ZNF280B: variants seen among roughly 807,000 people sequenced by gnomAD.
ZNF280B encodes suppressor of hairy wing homolog 2.
A neutral mutation model predicts 38.0 loss-of-function variants in ZNF280B; 16 were observed. That is an observed-to-expected ratio of 0.42 (90% confidence interval 0.28 to 0.64). The LOEUF (loss-of-function observed/expected upper bound fraction) is 0.64, where lower values mean the gene tolerates loss of function less well. Ranked by LOEUF, ZNF280B falls within the 30% of genes least tolerant of loss-of-function variation. The probability of loss-of-function intolerance (pLI) is 0.21; values close to 1 mark genes in which losing one functional copy is unlikely to be tolerated. For missense variants in ZNF280B, 581 were observed against 639.6 expected, an observed-to-expected ratio of 0.91 and a Z score of 0.99; for synonymous variants, 253 against 230.6, an observed-to-expected ratio of 1.10 and a Z score of -0.88.
At chr22:22,496,848 C>T (rs565584051) in intron 2 of ZNF280B, among the ~76,000 whole-genome samples, 23 of 145,888 alleles carry the variant, frequency 1.6e-4, no homozygotes, top group African/African-American at 5.1e-4. Context: ...ATGGGAGTCT[C>T]GCTCTGTCAC....
chr22:22,500,367 A>G, intron 2 of ZNF280B, among the ~76,000 whole-genome samples: 1 of 109,372 alleles, frequency 9.1e-6, no homozygotes, highest in South Asian at 4.2e-4. Flanking sequence ...ACAAAATATT[A>G]TATATATATA....
rs533961274 is a variant in ZNF280B at position 22,504,351 on chromosome 22, C to T, written c.-187+3459G>A. Reference sequence around the variant, plus strand: ...AGGAGGCAGGAGAATTGCTTGAACCCGGGAGGCAGAGGTTGCAGTGAGCTG... The same window carrying T: ...AGGAGGCAGGAGAATTGCTTGAACCTGGGAGGCAGAGGTTGCAGTGAGCTG... On this transcript the variant is annotated intron_variant, in intron 2 of 3. Transcript: ENST00000626650. Among the ~76,000 whole-genome samples, 65 of 149,058 alleles carry T rather than the reference C, an allele frequency of 4.4e-4. 1 individual carries two copies. The highest frequency in any genetic ancestry group is 1.5e-3 in the African/African-American group (60 of 40,632).
intron 2 of ZNF280B, among the ~76,000 whole-genome samples, chr22:22,497,293 G>A (rs993003346): frequency 6.9e-6 from 1 of 145,154 alleles, no homozygotes; most frequent in African/African-American, 2.5e-5. Context: ...CACTTTGGGA[G>A]GCCGAGGTAG....
At chr22:22,489,491 G>A in intron 3 of ZNF280B, 25 bp from the exon 4 acceptor site, 1 of 1,138,034 alleles carries the variant, frequency 8.8e-7, no homozygotes, top group Non-Finnish European at 1.2e-6. Context: ...ACATCAGTAA[G>A]TACAGGAAAA....
In ZNF280B at chr22:22,488,930, T is replaced by TTC. The variant is rs2061541016; in HGVS notation, c.468_469insGA (p.Ser157GlufsTer7). 6.2e-7 allele frequency: 1 copy of TTC among 1,613,726 alleles called. No homozygotes were observed. The highest frequency in any genetic ancestry group is 8.5e-7 in the Non-Finnish European group (1 of 1,179,986). On this transcript the variant is annotated frameshift_variant, in exon 4 of 4. Coordinates refer to ENST00000626650, the MANE Select transcript of ZNF280B (RefSeq NM_080764.4). LOFTEE classifies it high-confidence loss of function. ...ATACCTCCTACTGAAAGTGCTGTAC[T>TTC]TACTGGATGATGCAATGAATCTGTG... is the stretch of plus-strand genomic sequence containing the variant.
chr22:22,490,624 C>T (rs2061574634), intron 3 of ZNF280B, among the ~76,000 whole-genome samples: 1 of 151,844 alleles, frequency 6.6e-6, no homozygotes, highest in Non-Finnish European at 1.5e-5. Flanking sequence ...TGCACCACCA[C>T]ACCCAGCTAA....
Position 22,489,075 on chromosome 22 carries a change from T to C in ZNF280B, c.324A>G (p.Glu108=). The change falls in exon 4 of 4, where the codon GAA becomes GAG. Residue 108 remains glutamate, a synonymous_variant. Coordinates refer to ENST00000626650, the MANE Select transcript of ZNF280B (RefSeq NM_080764.4). Reference sequence around the variant, plus strand: ...TAATAGGACTATCTGTTGATCTCGATTCAAGTTGGGAAGCTGGCAGGACGG... The same window carrying C: ...TAATAGGACTATCTGTTGATCTCGACTCAAGTTGGGAAGCTGGCAGGACGG... The part of the protein sequence containing the change: ...AVTVLPASQL[E]SRSTDSPIII... 1 of 1,613,878 alleles carries C rather than the reference T, an allele frequency of 6.2e-7. No individual in the cohort carries two copies. Among genetic ancestry groups the C allele is most frequent in the Non-Finnish European group, 8.5e-7 (1 of 1,179,956 alleles).
chr22:22,500,386 C>T (rs2061792699), intron 2 of ZNF280B, among the ~76,000 whole-genome samples: 1 of 151,708 alleles, frequency 6.6e-6, no homozygotes. Context: ...TATATGCACA[C>T]ACACACAATA....
At chr22:22,502,665 A>C (rs1226758500) in intron 2 of ZNF280B, among the ~76,000 whole-genome samples, 3 of 152,032 alleles carry the variant, frequency 2.0e-5, no homozygotes, top group African/African-American at 4.8e-5. Flanking sequence ...ATAACACCAG[A>C]CACAAAAGGC....
intron 2 of ZNF280B, among the ~76,000 whole-genome samples, chr22:22,498,025 A>G (rs1176727982): frequency 1.3e-5 from 2 of 152,032 alleles, no homozygotes; most frequent in African/African-American, 2.4e-5. Flanking sequence ...TTATTCAGCC[A>G]TAAAAGAAAC....
In ZNF280B at chr22:22,488,800, G is replaced by A. The variant is rs2061538440; in HGVS notation, c.599C>T (p.Ser200Leu). ...LRDGIIEGNS[S>L]ASFPSDTFHT... ...AAAGGTATCTGAAGGGAATGAAGCT[G>A]AAGAATTTCCTTCTATAATTCCATC... The change falls in exon 4 of 4, where the codon TCA becomes TTA. Residue 200 changes from serine (S) to leucine (L), a missense_variant. Physicochemically the swap from Ser to Leu is moderately radical, Grantham distance 145. Transcript: ENST00000626650. The A allele has an allele frequency of 6.2e-7, 1 of 1,613,712 alleles. No homozygotes were observed. The highest frequency in any genetic ancestry group is 8.5e-7 in the Non-Finnish European group (1 of 1,179,956).
chr22:22,489,424 GT>G lies in ZNF280B; in HGVS notation c.-27del, dbSNP rs760755508. ...TTTCTAATTTTTTTATTCCTGAATGGTGGGGCCACAAGTCCCAATGCTTCCT... is the reference window on the plus strand; with the variant it reads ...TTTCTAATTTTTTTATTCCTGAATGGGGGGCCACAAGTCCCAATGCTTCCT... On this transcript the variant is annotated 5_prime_UTR_variant, in exon 4 of 4. Coordinates refer to ENST00000626650, the MANE Select transcript of ZNF280B (RefSeq NM_080764.4). 2 of 1,563,090 alleles carry G rather than the reference GT, an allele frequency of 1.3e-6. No individual in the cohort carries two copies. Among genetic ancestry groups the G allele is most frequent in the Admixed American group, 3.9e-5 (2 of 51,456 alleles).
chr22:22,500,435 C>T (rs1332709183), intron 2 of ZNF280B, among the ~76,000 whole-genome samples: 1 of 151,858 alleles, frequency 6.6e-6, no homozygotes, highest in African/African-American at 2.4e-5. Context: ...AAATCTGTCA[C>T]ATGCTACATG....
At chr22:22,490,640 G>A (rs143581548) in intron 3 of ZNF280B, among the ~76,000 whole-genome samples, 3,014 of 151,814 alleles carry the variant, frequency 0.02, 113 homozygotes, top group African/African-American at 0.068. Context: ...GCTAATTTTT[G>A]TATTTTCAGT....
chr22:22,496,235 T>C (rs1270150512), intron 2 of ZNF280B, among the ~76,000 whole-genome samples: 2 of 150,512 alleles, frequency 1.3e-5, no homozygotes, highest in Non-Finnish European at 1.5e-5. Flanking sequence ...CAGCTGGGAC[T>C]ATAGGTGTGC....
At chr22:22,504,924 T>C (rs1311417924) in intron 2 of ZNF280B, among the ~76,000 whole-genome samples, 2 of 151,976 alleles carry the variant, frequency 1.3e-5, no homozygotes, top group Admixed American at 1.3e-4. Context: ...GATATAGCAG[T>C]GATCCAAAGT....
chr22:22,490,641 T>A (rs1182298517), intron 3 of ZNF280B, among the ~76,000 whole-genome samples: 1 of 151,876 alleles, frequency 6.6e-6, no homozygotes, highest in Non-Finnish European at 1.5e-5. Context: ...CTAATTTTTG[T>A]ATTTTCAGTA....
chr22:22,485,389 T>C lies in ZNF280B; in HGVS notation c.*2378A>G, dbSNP rs1438760773. On this transcript the variant is annotated 3_prime_UTR_variant, in exon 4 of 4. Coordinates refer to ENST00000626650, the MANE Select transcript of ZNF280B (RefSeq NM_080764.4). The stretch of plus-strand genomic sequence containing the variant: ...GAAAAACTGGCACACACACACCCAC[T>C]TGCACACACATACCCTTTCTTCAAC... 3 of 152,018 alleles carry C rather than the reference T, an allele frequency of 2.0e-5. No individual in the cohort carries two copies. The highest frequency in any genetic ancestry group is 2.0e-4 in the East Asian group (1 of 5,068). 9.4% of individuals were successfully genotyped at this position (152,018 alleles called of 1,614,324 possible).
At position 22,484,451 on chromosome 22, in the gene ZNF280B, T is replaced by C. The variant is rs2061480319; in HGVS notation, c.*3316A>G. ...TTCACAAAACATTTTATTACTATAA[T>C]TGATATTTTACTTATAATTTTTGGC... On this transcript the variant is annotated 3_prime_UTR_variant, in exon 4 of 4. Coordinates refer to ENST00000626650, the MANE Select transcript of ZNF280B (RefSeq NM_080764.4). The C allele has an allele frequency of 6.6e-6, 1 of 152,438 alleles. No individual in the cohort carries two copies. The allele number at this position is 152,438 out of a possible 1,614,324, so 9.4% of individuals were successfully genotyped here.
Sources: gnomAD v4.1 joint callset for allele counts (sites outside exome capture counted in the v4.1 genomes callset) on GRCh38, gnomAD v4.1.1 for gene constraint, MANE v1.5 for transcripts, NCBI Gene and HGNC (gene_info 2026-07-23, HGNC 2026-07-21) for gene names.